Variants in BRF1 observed in about 807,000 individuals in gnomAD.
BRF1 encodes transcription factor IIIB 90 kDa subunit.
A neutral mutation model predicts 81.7 loss-of-function variants in BRF1; 59 were observed. The ratio of observed to expected loss-of-function variants is 0.72; its 90% CI spans 0.59 to 0.90. The LOEUF (loss-of-function observed/expected upper bound fraction) is 0.90. Among genes scored for constraint, BRF1 ranks in the 40% least tolerant of loss-of-function variants. BRF1 has a pLI of 0.00. For synonymous variants in BRF1, 491 were observed against 395.6 expected (o/e 1.24, Z -2.86); for missense variants, 1,050 against 936.3 (o/e 1.12, Z -1.58).
At position 105,315,455 on chromosome 14, in the gene BRF1, G is replaced by T. The variant is rs1048064330; in HGVS notation, c.-295C>A. The T allele has an allele frequency of 6.6e-6, 1 of 152,210 alleles. No individual in the cohort carries two copies. Among genetic ancestry groups the T allele is most frequent in the Non-Finnish European group, 1.5e-5 (1 of 68,048 alleles). The allele number at this position is 152,210 out of a possible 1,614,324, so 9.4% of individuals were successfully genotyped here. A position where few individuals can be genotyped will look rare whatever the true frequency, so the allele number is the denominator to read the frequency against. ...CACTGTCAGACCTCGGCCTGGGAGCGACCCCCGGCGCACGGGGCGCGCAGG... is the reference window on the plus strand; with the variant it reads ...CACTGTCAGACCTCGGCCTGGGAGCTACCCCCGGCGCACGGGGCGCGCAGG... On this transcript the variant is annotated 5_prime_UTR_variant, in exon 1 of 18. Transcript: ENST00000327359. The surrounding 1 kb of genome is among the most constrained non-coding windows in gnomAD (Gnocchi z 4.4).
intron 1 of BRF1, 42 bp downstream of exon 1, chr14:105,300,404 C>A: frequency 6.7e-7 from 1 of 1,485,858 alleles, no homozygotes; most frequent in East Asian, 2.6e-5. Context: ...CCCGCCTAAG[C>A]CGCACCGAGA....
chr14:105,275,944 G>A (rs587682480), intron 2 of BRF1, among the ~76,000 whole-genome samples: 195 of 149,474 alleles, frequency 1.3e-3, no homozygotes, highest in East Asian at 5.3e-3. Flanking sequence ...CTAGAGAGCT[G>A]GGGAGGAGGC....
chr14:105,256,186 T>C (rs868180418), intron 4 of BRF1: 146 of 1,527,784 alleles, frequency 9.6e-5, no homozygotes, highest in Admixed American at 6.6e-4. Context: ...CCAAACTAGG[T>C]ACTCACAAAA....
intron 3 of BRF1, among the ~76,000 whole-genome samples, chr14:105,258,880 G>A (rs1595408288): frequency 3.9e-5 from 6 of 152,020 alleles, no homozygotes; most frequent in Admixed American, 3.9e-4. Flanking sequence ...GAAGCTTCAT[G>A]AAGACAAAAA....
upstream of BRF1, among the ~76,000 whole-genome samples, chr14:105,301,576 C>G (rs1232540675): frequency 1.3e-5 from 2 of 152,200 alleles, no homozygotes; most frequent in African/African-American, 4.8e-5. Context: ...CAGGGGCCAC[C>G]CTGCCCCGCC....
chr14:105,241,848 A>C (rs1256252898), intron 5 of BRF1: 1 of 218,098 alleles, frequency 4.6e-6, no homozygotes, highest in Non-Finnish European at 9.5e-6. Flanking sequence ...GGGTGAGAGG[A>C]GGGCCCACTT....
At chr14:105,299,865 G>A (rs117432138) in intron 1 of BRF1, among the ~76,000 whole-genome samples, 1,958 of 152,338 alleles carry the variant, frequency 0.013, 20 homozygotes, top group Non-Finnish European at 0.019. Context: ...GTTCCCCAGA[G>A]AAATGAAAAC....
rs587772604 is a variant in BRF1 at position 105,265,045 on chromosome 14, C to CTTTTTT, written c.439+7670_439+7675dup. Among the ~76,000 whole-genome samples the CTTTTTT allele has an allele frequency of 4.0e-4, 54 of 135,222 alleles. 1 individual carries two copies. The highest frequency in any genetic ancestry group is 5.9e-4 in the Non-Finnish European group (36 of 61,330). The allele number at this position is 135,222 out of a possible 152,430, so 88.7% of individuals were successfully genotyped here. ...CATCAAGTCATAAGTTCTACTTATC[C>CTTTTTT]TTTTTTTTGTTTTTTTTTTGTTTGT... is the stretch of plus-strand genomic sequence containing the variant. On this transcript the variant is annotated intron_variant, in intron 3 of 17. Transcript: ENST00000547530.
chr14:105,210,752 C>G lies in BRF1; in HGVS notation c.1997-164G>C, dbSNP rs1889986085. 6.6e-6 allele frequency among the ~76,000 whole-genome samples: 1 copy of G among 152,026 alleles called. No homozygotes were observed. Among genetic ancestry groups the G allele is most frequent in the Non-Finnish European group, 1.5e-5 (1 of 67,980 alleles). On this transcript the variant is annotated intron_variant, in intron 17 of 17. Coordinates refer to ENST00000547530, the MANE Select transcript of BRF1 (RefSeq NM_001519.4). This position sits in a 1 kb window ranked among gnomAD's most constrained non-coding sequence, Gnocchi z 4.7. ...AGCCATCTTGGGCTCCTCTCCACCTCCCGGGACTGGCATGCACCCAGAGCA... is the reference window on the plus strand; with the variant it reads ...AGCCATCTTGGGCTCCTCTCCACCTGCCGGGACTGGCATGCACCCAGAGCA...
chr14:105,297,990 C>T (rs1269104618), intron 1 of BRF1, among the ~76,000 whole-genome samples: 3 of 152,122 alleles, frequency 2.0e-5, no homozygotes, highest in South Asian at 2.1e-4. Flanking sequence ...AGCGAGACTC[C>T]GTCTCAAGAA....
intron 4 of BRF1, among the ~76,000 whole-genome samples, chr14:105,254,909 T>C (rs1294050654): frequency 6.6e-6 from 1 of 152,186 alleles, no homozygotes; most frequent in Non-Finnish European, 1.5e-5. Context: ...ATGAGGACCA[T>C]TTATTGGAAA....
chr14:105,267,391 C>A (rs1010261716), intron 3 of BRF1, among the ~76,000 whole-genome samples: 24 of 151,962 alleles, frequency 1.6e-4, no homozygotes, highest in African/African-American at 5.8e-4. Context: ...GCAGCCTCGA[C>A]CTCCTGGGTT....
At chr14:105,215,287 G>A (rs1215363281) in intron 15 of BRF1, among the ~76,000 whole-genome samples, 3 of 151,896 alleles carry the variant, frequency 2.0e-5, no homozygotes, top group African/African-American at 7.3e-5. Flanking sequence ...TGTACATAGA[G>A]ACAAAGACCT....
At chr14:105,216,386 G>C (rs1891309899) in intron 15 of BRF1, among the ~76,000 whole-genome samples, 1 of 152,318 alleles carries the variant, frequency 6.6e-6, no homozygotes, top group East Asian at 1.9e-4. Flanking sequence ...CCGAGCCACA[G>C]ACCTGCCCTG....
rs753654067 is a variant in BRF1 at position 105,221,709 on chromosome 14, T to C, written c.1254A>G (p.Ala418=). ...TGGAGTCTGAGATGCCCAGGCTGGC[T>C]GCAGTGGGGAGGGGGTCCAGCAGGG... ...LGSLLDPLPT[A]ASLGISDSIR... The change falls in exon 11 of 18, where the codon GCA becomes GCG. Residue 418 remains alanine, a synonymous_variant. Coordinates refer to ENST00000547530, the MANE Select transcript of BRF1 (RefSeq NM_001519.4). 4 of 1,611,506 alleles carry C rather than the reference T, an allele frequency of 2.5e-6. No individual in the cohort carries two copies. In the Admixed American group the frequency reaches 6.7e-5, roughly 27 times the overall value.
At chr14:105,275,258 G>A (rs2056834360) in intron 2 of BRF1, among the ~76,000 whole-genome samples, 1 of 152,180 alleles carries the variant, frequency 6.6e-6, no homozygotes. Flanking sequence ...GCAGTCAGCA[G>A]CATCACATGG....
At chr14:105,214,744 C>T (rs1890795475) in intron 15 of BRF1, among the ~76,000 whole-genome samples, 1 of 152,230 alleles carries the variant, frequency 6.6e-6, no homozygotes, top group African/African-American at 2.4e-5. Flanking sequence ...GGCAGCACAG[C>T]TGCTGCTGAG....
At chr14:105,241,111 C>A (rs1197058802) in intron 6 of BRF1, among the ~76,000 whole-genome samples, 154 bp downstream of exon 6, 1 of 152,228 alleles carries the variant, frequency 6.6e-6, no homozygotes, top group African/African-American at 2.4e-5. Context: ...GGCTGAGGAC[C>A]CCGGTGGGCC....
chr14:105,229,062 A>G, intron 6 of BRF1, 149 bp from the exon 7 acceptor site: 3 of 730,516 alleles, frequency 4.1e-6, no homozygotes, highest in Middle Eastern at 3.5e-4. Flanking sequence ...CTCACTTGGC[A>G]TGGCTACTCC....
Sources: gnomAD v4.1 joint callset for allele counts (sites outside exome capture counted in the v4.1 genomes callset) on GRCh38, gnomAD v4.1.1 for gene constraint, Gnocchi (gnomAD v3.1) non-coding constraint, MANE v1.5 for transcripts, NCBI Gene and HGNC (gene_info 2026-07-23, HGNC 2026-07-21) for gene names.